ITGA9: variants seen among roughly 807,000 people sequenced by gnomAD.
ITGA9 encodes integrin alpha-9.
In ITGA9, 56 loss-of-function variants were observed where a neutral mutation model predicts 127.8. The ratio of observed to expected loss-of-function variants is 0.44; its 90% confidence interval spans 0.35 to 0.55. The LOEUF (loss-of-function observed/expected upper bound fraction) is 0.55. ITGA9 is among the 20% of genes least tolerant of loss of function. ITGA9 has a pLI of 0.00. For synonymous variants in ITGA9, 508 were observed against 514.5 expected (o/e 0.99, Z 0.17); for missense variants, 1,196 against 1,347.1 (o/e 0.89, Z 1.76).
Position 37,481,543 on chromosome 3 carries a change from C to A in ITGA9, c.480C>A (p.Gly160=), listed in dbSNP as rs1372923483. The A allele has an allele frequency of 1.2e-6, 2 of 1,614,144 alleles. No individual in the cohort carries two copies. Among genetic ancestry groups the A allele is most frequent in the South Asian group, 2.2e-5 (2 of 91,078 alleles). The part of the protein sequence containing the change: ...YYEADHILPH[G]FCYIIPSNLQ... ...AAGCCGACCACATCCTACCCCATGG[C>A]TTCTGCTACATCATCCCCTCCAACC... is the stretch of plus-strand genomic sequence containing the variant. The change falls in exon 4 of 28, where the codon GGC becomes GGA. Residue 160 remains glycine, a synonymous_variant. Coordinates refer to ENST00000264741, the MANE Select transcript of ITGA9 (RefSeq NM_002207.3).
At chr3:37,711,040 C>G (rs1437129234) in intron 18 of ITGA9, among the ~76,000 whole-genome samples, 2 of 152,178 alleles carry the variant, frequency 1.3e-5, no homozygotes, top group African/African-American at 2.4e-5. Flanking sequence ...TCTTATGAGA[C>G]TGCAGTCAGG....
rs1412238179 is a variant in ITGA9, at chr3:37,820,379, A to C, written c.*1390A>C. 6.6e-6 allele frequency: 1 copy of C among 152,292 alleles called. No homozygotes were observed. The highest frequency in any genetic ancestry group is 1.5e-5 in the Non-Finnish European group (1 of 68,132). 9.4% of individuals were successfully genotyped at this position (152,292 alleles called of 1,614,324 possible). On this transcript the variant is annotated 3_prime_UTR_variant, in exon 28 of 28. Coordinates refer to ENST00000264741, the MANE Select transcript of ITGA9 (RefSeq NM_002207.3). ...CTCCAGTAGCTCAGGACAGTCCTCT[A>C]AAGGACAACCACAGATGCATCCTCA...
chr3:37,783,545 C>T (rs941898223), intron 25 of ITGA9, among the ~76,000 whole-genome samples: 6 of 152,076 alleles, frequency 3.9e-5, no homozygotes, highest in African/African-American at 1.4e-4. Context: ...GATGTTTCCC[C>T]AGGCTGGACT....
intron 18 of ITGA9, among the ~76,000 whole-genome samples, chr3:37,684,473 A>ATTAT (rs921259626): frequency 2.6e-5 from 4 of 151,888 alleles, no homozygotes; most frequent in African/African-American, 9.7e-5. Flanking sequence ...TGTGCTTTGG[A>ATTAT]TTATTTATTT....
chr3:37,512,166 TTTCTTTTCTTTTCTTTTCTTTTCTTTTC>T (rs1228618169), intron 8 of ITGA9, among the ~76,000 whole-genome samples: 2 of 24,072 alleles, frequency 8.3e-5, no homozygotes, highest in African/African-American at 2.8e-4. Flanking sequence ...TTTCTTTTCT[TTTCTTTTCTTTTCTTTTCTTTTCTTTTC>T]TTTTCTTTTC....
intron 25 of ITGA9, among the ~76,000 whole-genome samples, chr3:37,782,111 C>G (rs946623752): frequency 6.6e-6 from 1 of 152,230 alleles, no homozygotes; most frequent in African/African-American, 2.4e-5. Flanking sequence ...GAAGTACCTT[C>G]CTGAAATGTG....
chr3:37,599,499 G>A (rs1271847830), intron 15 of ITGA9, among the ~76,000 whole-genome samples: 2 of 152,244 alleles, frequency 1.3e-5, no homozygotes, highest in African/African-American at 2.4e-5. Flanking sequence ...GAAGTGGCAT[G>A]ATGTCATTTC....
chr3:37,513,954 C>T, intron 9 of ITGA9, 54 bp downstream of exon 9: 1 of 1,609,164 alleles, frequency 6.2e-7, no homozygotes, highest in Non-Finnish European at 8.5e-7. Flanking sequence ...GACATTTGTC[C>T]AGCCAGCAGT....
intron 20 of ITGA9, among the ~76,000 whole-genome samples, chr3:37,738,077 T>A (rs947613989): frequency 6.6e-6 from 1 of 152,262 alleles, no homozygotes. Context: ...TTATGCCAGT[T>A]ATCCCAATAA....
intron 9 of ITGA9, among the ~76,000 whole-genome samples, chr3:37,514,718 T>C (rs1698966838): frequency 6.6e-6 from 1 of 152,166 alleles, no homozygotes; most frequent in African/African-American, 2.4e-5. Flanking sequence ...TACAGGCACT[T>C]GCCACCACAC....
chr3:37,774,430 C>T (rs553515430), intron 23 of ITGA9, among the ~76,000 whole-genome samples: 1 of 151,732 alleles, frequency 6.6e-6, no homozygotes, highest in Non-Finnish European at 1.5e-5. Context: ...TGCAGTGGCT[C>T]ATGCCTATAA....
chr3:37,534,655 CATATTT>C (rs563849549), intron 14 of ITGA9, among the ~76,000 whole-genome samples: 71 of 152,324 alleles, frequency 4.7e-4, no homozygotes, highest in Non-Finnish European at 7.1e-4. Flanking sequence ...AACTATTAAA[CATATTT>C]ATTTTATCAT....
At chr3:37,709,677 C>G (rs1366319795) in intron 18 of ITGA9, among the ~76,000 whole-genome samples, 2 of 152,232 alleles carry the variant, frequency 1.3e-5, no homozygotes, top group Non-Finnish European at 2.9e-5. Context: ...ACACACAACC[C>G]CATGCTTTCA....
chr3:37,560,568 A>G (rs938693515), intron 15 of ITGA9, among the ~76,000 whole-genome samples: 2 of 152,198 alleles, frequency 1.3e-5, no homozygotes, highest in South Asian at 4.1e-4. Context: ...ACTCCCGCCA[A>G]CAGTGTAAAA....
chr3:37,541,554 C>A (rs1479494030), intron 14 of ITGA9, among the ~76,000 whole-genome samples: 1 of 151,858 alleles, frequency 6.6e-6, no homozygotes, highest in African/African-American at 2.4e-5. Flanking sequence ...TTTTTTCCTT[C>A]TTTCTTTCTT....
Position 37,530,952 on chromosome 3 carries a change from C to T in ITGA9, c.1374-2362C>T, listed in dbSNP as rs144481027. ...ATTTTTAGTAGAGACAGGGTTTCACCGTGTTAGCCAGTATGGTCTCGATCT... is the reference window on the plus strand; with the variant it reads ...ATTTTTAGTAGAGACAGGGTTTCACTGTGTTAGCCAGTATGGTCTCGATCT... On this transcript the variant is annotated intron_variant, in intron 13 of 27. Coordinates refer to ENST00000264741, the MANE Select transcript of ITGA9 (RefSeq NM_002207.3). Among the ~76,000 whole-genome samples the T allele has an allele frequency of 5.4e-3, 825 of 151,854 alleles. 4 individuals carry two copies. The highest frequency in any genetic ancestry group is 0.016 in the South Asian group (77 of 4,802).
chr3:37,600,161 A>G (rs1699903808), intron 15 of ITGA9, among the ~76,000 whole-genome samples: 1 of 152,210 alleles, frequency 6.6e-6, no homozygotes, highest in Admixed American at 6.5e-5. Context: ...TATAAATACA[A>G]TAATTTTAGA....
Position 37,714,551 on chromosome 3 carries a change from A to G in ITGA9, c.2068-18161A>G, listed in dbSNP as rs550803995. 2.6e-5 allele frequency among the ~76,000 whole-genome samples: 4 copies of G among 152,250 alleles called. No homozygotes were observed. In the East Asian group the frequency reaches 7.7e-4, roughly 29 times the overall value. ...GATTCTTCCCCTCTCCTATGAGACC[A>G]TCCTCCATGTGGGTCCCATCCAGGA... On this transcript the variant is annotated intron_variant, in intron 18 of 27. Transcript: ENST00000264741.
At chr3:37,771,071 G>C (rs1696836377) in intron 23 of ITGA9, among the ~76,000 whole-genome samples, 1 of 152,178 alleles carries the variant, frequency 6.6e-6, no homozygotes, top group Non-Finnish European at 1.5e-5. Flanking sequence ...ATGGACCTCT[G>C]CCAGCTCCCA....
Sources: gnomAD v4.1 joint callset for allele counts (sites outside exome capture counted in the v4.1 genomes callset) on GRCh38, gnomAD v4.1.1 for gene constraint, MANE v1.5 for transcripts, NCBI Gene and HGNC (gene_info 2026-07-23, HGNC 2026-07-21) for gene names.